DOCK1: variants seen among roughly 807,000 people sequenced by gnomAD.
DOCK1 encodes dedicator of cytokinesis 1.
DOCK1 carries 138 observed loss-of-function variants against 262.7 expected under a neutral mutation model. That is an observed-to-expected ratio of 0.53 (90% CI 0.46 to 0.61). The LOEUF (loss-of-function observed/expected upper bound fraction) is 0.61, where lower values mean the gene tolerates loss of function less well. Among genes scored for constraint, DOCK1 ranks in the 20% least tolerant of loss-of-function variants. The pLI is 0.00. For missense variants in DOCK1, 1,908 were observed against 2,370.7 expected, an observed-to-expected ratio of 0.80 and a Z score of 4.05; for synonymous variants, 866 against 867.4, an observed-to-expected ratio of 1.00 and a Z score of 0.03.
At chr10:127,204,552 G>T (rs551443523) in intron 27 of DOCK1, among the ~76,000 whole-genome samples, 3 of 152,212 alleles carry the variant, frequency 2.0e-5, no homozygotes, top group Non-Finnish European at 2.9e-5. Context: ...CTCCCAAAGT[G>T]CTGGGATCAC....
At chr10:127,300,497 C>T (rs928247451) in intron 29 of DOCK1, among the ~76,000 whole-genome samples, 1 of 152,158 alleles carries the variant, frequency 6.6e-6, no homozygotes, top group African/African-American at 2.4e-5. Context: ...GTCTAAGGTC[C>T]GTGGGGATCA....
At chr10:126,987,303 G>T (rs541648270) in intron 4 of DOCK1, among the ~76,000 whole-genome samples, 1 of 152,308 alleles carries the variant, frequency 6.6e-6, no homozygotes, top group African/African-American at 2.4e-5. Flanking sequence ...TGGCTTACGT[G>T]CAGGGTAATG....
chr10:127,263,057 TAGG>T (rs2060230923), intron 29 of DOCK1, among the ~76,000 whole-genome samples: 1 of 152,220 alleles, frequency 6.6e-6, no homozygotes, highest in African/African-American at 2.4e-5. Context: ...AAGAGAGTGT[TAGG>T]AGTTTTTGTT....
In DOCK1 at chr10:127,176,140, T is replaced by C; in HGVS notation, c.2847+48376T>C. 1 of 1,614,128 alleles carries C rather than the reference T, an allele frequency of 6.2e-7. No homozygotes were observed. Among genetic ancestry groups the C allele is most frequent in the South Asian group, 1.1e-5 (1 of 91,076 alleles). Reference sequence around the variant, plus strand: ...CTGCGTGCGGGCACTGTCATGTATTTGCGGTAGGCTGCTCTGCAGGACACG... The same window carrying C: ...CTGCGTGCGGGCACTGTCATGTATTCGCGGTAGGCTGCTCTGCAGGACACG... On this transcript the variant is annotated intron_variant, in intron 27 of 51. Transcript: ENST00000623213. This position sits in a 1 kb window ranked among gnomAD's most constrained non-coding sequence, Gnocchi z 4.4.
At chr10:127,025,498 G>A (rs1009514433) in intron 15 of DOCK1, among the ~76,000 whole-genome samples, 1 of 152,164 alleles carries the variant, frequency 6.6e-6, no homozygotes, top group African/African-American at 2.4e-5. Context: ...CCAGACTGGA[G>A]TGCAGTGGTG....
chr10:127,023,334 G>A lies in DOCK1; in HGVS notation c.1452+10G>A, dbSNP rs778061797. The A allele has an allele frequency of 2.5e-6, 4 of 1,613,746 alleles. No homozygotes were observed. The African/African-American group carries it at 4.0e-5, about 16-fold the overall frequency. On this transcript the variant is annotated intron_variant, in intron 14 of 51. Transcript: ENST00000623213. ...TGGGAAACGATTAGAGGTATTTATT[G>A]TGGCGAGGGCTCATCTGTAGTGTTT...
At chr10:127,341,330 G>A (rs1435852357) in intron 30 of DOCK1, among the ~76,000 whole-genome samples, 2 of 152,150 alleles carry the variant, frequency 1.3e-5, no homozygotes, top group Admixed American at 6.5e-5. Context: ...TAGCAGAGTC[G>A]CTACTTTTCC....
rs375408682 is a variant in DOCK1 at position 127,418,508 on chromosome 10, A to G, written c.4659A>G (p.Pro1553=). The change falls in exon 45 of 52, where the codon CCA becomes CCG. Residue 1553 remains proline, a synonymous_variant. Coordinates refer to ENST00000623213, the MANE Select transcript of DOCK1 (RefSeq NM_001290223.2). Reference sequence around the variant, plus strand: ...TGCTCCTGAACGGCATCGTGGACCCAGCTGTCATGGGGGGCTTCGCAAACT... The same window carrying G: ...TGCTCCTGAACGGCATCGTGGACCCGGCTGTCATGGGGGGCTTCGCAAACT... ...LSMLLNGIVD[P]AVMGGFANYE... 6.5e-4 allele frequency: 1,050 copies of G among 1,614,088 alleles called. 3 individuals carry two copies. The African/African-American group carries it at 9.3e-3, about 14-fold the overall frequency.
intron 27 of DOCK1, among the ~76,000 whole-genome samples, chr10:127,171,349 A>G (rs541121754): frequency 6.6e-6 from 1 of 152,352 alleles, no homozygotes; most frequent in Admixed American, 6.5e-5. Context: ...CCTATTAAAG[A>G]GATTTTACAA....
At chr10:127,289,859 C>A (rs2061289511) in intron 29 of DOCK1, among the ~76,000 whole-genome samples, 1 of 151,418 alleles carries the variant, frequency 6.6e-6, no homozygotes, top group Admixed American at 6.6e-5. Flanking sequence ...ACATCACATA[C>A]ATGTCTTATG....
intron 13 of DOCK1, among the ~76,000 whole-genome samples, chr10:127,022,582 G>A (rs1045250942): frequency 6.6e-6 from 1 of 152,076 alleles, no homozygotes; most frequent in African/African-American, 2.4e-5. Context: ...TTTTAGTAGA[G>A]ATGAGGGTTC....
intron 23 of DOCK1, among the ~76,000 whole-genome samples, chr10:127,075,986 T>C (rs2046511332): frequency 6.6e-6 from 1 of 152,192 alleles, no homozygotes. Context: ...ATGTGTGTTT[T>C]TGAGTGAGCT....
At chr10:127,010,332 C>T (rs1042525181) in intron 11 of DOCK1, among the ~76,000 whole-genome samples, 5 of 151,918 alleles carry the variant, frequency 3.3e-5, no homozygotes, top group African/African-American at 9.7e-5. Flanking sequence ...CCGGGTGTGG[C>T]GGCAGGTGCC....
intron 27 of DOCK1, among the ~76,000 whole-genome samples, chr10:127,193,131 C>A (rs530869796): frequency 6.6e-6 from 1 of 152,280 alleles, no homozygotes; most frequent in Non-Finnish European, 1.5e-5. Flanking sequence ...AAAGGATCTG[C>A]TTCATAAATC....
chr10:127,021,349 G>C (rs1472939411), intron 13 of DOCK1, among the ~76,000 whole-genome samples: 1 of 152,156 alleles, frequency 6.6e-6, no homozygotes, highest in African/African-American at 2.4e-5. Flanking sequence ...TATTTTAATA[G>C]AGACGGGGGT....
chr10:127,184,404 C>T (rs1186742728), intron 27 of DOCK1, among the ~76,000 whole-genome samples: 1 of 149,772 alleles, frequency 6.7e-6, no homozygotes, highest in Admixed American at 6.8e-5. Flanking sequence ...TGATTTCTTC[C>T]CTTTAGTTCC....
At chr10:127,003,993 A>G in intron 10 of DOCK1, among the ~76,000 whole-genome samples, 1 of 151,652 alleles carries the variant, frequency 6.6e-6, no homozygotes, top group East Asian at 1.9e-4. Context: ...AGTGGCTCAC[A>G]CCTCTAATCC....
At chr10:127,059,427 A>T (rs1161222879) in intron 22 of DOCK1, among the ~76,000 whole-genome samples, 1 of 152,016 alleles carries the variant, frequency 6.6e-6, no homozygotes, top group African/African-American at 2.4e-5. Flanking sequence ...CTGGCACTTC[A>T]ATTACATGTA....
intron 46 of DOCK1, 145 bp downstream of exon 46, chr10:127,419,894 C>T: frequency 7.3e-6 from 6 of 827,520 alleles, no homozygotes; most frequent in Non-Finnish European, 9.5e-6. Flanking sequence ...GTGAACCCAC[C>T]CACTGCTGTC....
Sources: gnomAD v4.1 joint callset for allele counts (sites outside exome capture counted in the v4.1 genomes callset) on GRCh38, gnomAD v4.1.1 for gene constraint, Gnocchi (gnomAD v3.1) non-coding constraint, MANE v1.5 for transcripts, NCBI Gene and HGNC (gene_info 2026-07-23, HGNC 2026-07-21) for gene names.